L3HYPDH: variants seen among roughly 807,000 people sequenced by gnomAD.
The protein encoded by L3HYPDH is trans-L-3-hydroxyproline dehydratase.
In L3HYPDH, 32 loss-of-function variants were observed where a neutral mutation model predicts 26.5. The observed-to-expected ratio is 1.21, with a 90% CI of 0.91 to 1.62. The LOEUF is 1.62. L3HYPDH is among the 40% of genes most tolerant of loss of function. The probability of loss-of-function intolerance (pLI) is 0.00; values close to 1 mark genes in which losing one functional copy is unlikely to be tolerated. For synonymous variants in L3HYPDH, 215 were observed against 196.6 expected, an observed-to-expected ratio of 1.09 and a Z score of -0.78; for missense variants, 554 against 476.4, an observed-to-expected ratio of 1.16 and a Z score of -1.52.
chr14:59,476,040 A>T, intron 3 of L3HYPDH, 34 bp from the exon 4 acceptor site: 1 of 1,613,840 alleles, frequency 6.2e-7, no homozygotes, highest in Non-Finnish European at 8.5e-7. Flanking sequence ...GAATGTTCAT[A>T]GTGTGTTCCA....
the L3HYPDH span, chr14:59,501,201 C>A: frequency 4.4e-6 from 7 of 1,592,520 alleles, no homozygotes; most frequent in Non-Finnish European, 6.0e-6. Context: ...ATTACGCCTT[C>A]CCATACATTA....
intron 1 of L3HYPDH, among the ~76,000 whole-genome samples, chr14:59,481,426 A>G (rs1460745234): frequency 6.6e-6 from 1 of 152,204 alleles, no homozygotes; most frequent in Non-Finnish European, 1.5e-5. Flanking sequence ...CCACTAAATA[A>G]GTGGCAGAGC....
intron 1 of L3HYPDH, chr14:59,483,528 A>G: frequency 7.3e-7 from 1 of 1,369,400 alleles, no homozygotes. Context: ...GGAATGCCTC[A>G]CCAGTGCAGA....
At chr14:59,482,168 T>C (rs1189847611) in intron 1 of L3HYPDH, among the ~76,000 whole-genome samples, 2 of 152,202 alleles carry the variant, frequency 1.3e-5, no homozygotes, top group Admixed American at 1.3e-4. Flanking sequence ...TGGGTACTGT[T>C]GTCATCCTCA....
chr14:59,494,205 AAAT>A, the L3HYPDH span, among the ~76,000 whole-genome samples: 1 of 150,436 alleles, frequency 6.6e-6, no homozygotes, highest in African/African-American at 2.5e-5. Flanking sequence ...GTAGAAAAAA[AAAT>A]AAAAGCCTGG....
upstream of L3HYPDH, among the ~76,000 whole-genome samples, chr14:59,488,074 A>C (rs921603663): frequency 2.6e-5 from 4 of 152,102 alleles, no homozygotes; most frequent in African/African-American, 9.7e-5. Context: ...TTACTTCTCA[A>C]CTATAATCCT....
chr14:59,491,957 A>T, the L3HYPDH span, among the ~76,000 whole-genome samples: 56 of 152,194 alleles, frequency 3.7e-4, no homozygotes, highest in Non-Finnish European at 6.8e-4. Context: ...AAGCTTCCCC[A>T]TTCTCAATTT....
the L3HYPDH span, among the ~76,000 whole-genome samples, chr14:59,497,518 G>A: frequency 1.3e-5 from 2 of 152,174 alleles, no homozygotes; most frequent in African/African-American, 4.8e-5. Flanking sequence ...GGAATTACAA[G>A]TTGTGGAAAT....
chr14:59,476,393 T>C (rs1889633109), intron 2 of L3HYPDH, among the ~76,000 whole-genome samples, 179 bp from the exon 3 acceptor site: 3 of 152,198 alleles, frequency 2.0e-5, no homozygotes, highest in African/African-American at 7.2e-5. Flanking sequence ...AGAAACATAG[T>C]TTTACTGCAA....
At chr14:59,492,542 A>C in the L3HYPDH span, among the ~76,000 whole-genome samples, 43 of 152,292 alleles carry the variant, frequency 2.8e-4, no homozygotes, top group African/African-American at 1.0e-3. Flanking sequence ...TGGTATCCCC[A>C]TCAGGCATTT....
chr14:59,490,023 A>T, the L3HYPDH span, among the ~76,000 whole-genome samples: 2 of 152,076 alleles, frequency 1.3e-5, no homozygotes, highest in African/African-American at 4.8e-5. Context: ...CCTAGGCTCA[A>T]GTGATCTTCC....
chr14:59,476,166 T>G lies in L3HYPDH; in HGVS notation c.727A>C (p.Thr243Pro). 1 of 1,613,112 alleles carries G rather than the reference T, an allele frequency of 6.2e-7. No individual in the cohort carries two copies. Among genetic ancestry groups the G allele is most frequent in the South Asian group, 1.1e-5 (1 of 91,016 alleles). Residue 243 changes from threonine to proline, a missense_variant, in exon 3 of 5, where the codon ACT becomes CCT. Thr to Pro is a conservative substitution (Grantham distance 38). Transcript: ENST00000247194. ...GCATCTTTTCCATCTGTTAATATAG[T>G]TCCATATAAAAAGGCAAGGTCTTCA... ...DSEDLAFLYG[T>P]ILTDGKDAYT...
At chr14:59,483,498 ATC>A in intron 1 of L3HYPDH, 1 of 1,301,042 alleles carries the variant, frequency 7.7e-7, no homozygotes, top group Non-Finnish European at 9.8e-7. Flanking sequence ...ACCTTGCTTT[ATC>A]CACCGGTGAA....
the L3HYPDH span, among the ~76,000 whole-genome samples, chr14:59,492,962 C>T: frequency 6.6e-6 from 1 of 151,786 alleles, no homozygotes; most frequent in Non-Finnish European, 1.5e-5. Flanking sequence ...CACGCCCGGC[C>T]AATTTTTTTG....
At chr14:59,479,032 T>C in intron 2 of L3HYPDH, 150 bp downstream of exon 2, 1 of 596,700 alleles carries the variant, frequency 1.7e-6, no homozygotes, top group African/African-American at 1.9e-5. Flanking sequence ...GGGACAAGCT[T>C]GCTCTAGAGC....
intron 4 of L3HYPDH, among the ~76,000 whole-genome samples, chr14:59,475,386 T>C (rs1002551310): frequency 1.3e-5 from 2 of 152,200 alleles, no homozygotes; most frequent in African/African-American, 4.8e-5. Flanking sequence ...TAACCCATTA[T>C]ACATTAACAT....
At chr14:59,485,488 T>C (rs1043262997), upstream of L3HYPDH, 4 of 178,548 alleles carry the variant, frequency 2.2e-5, no homozygotes, top group Non-Finnish European at 4.7e-5. Flanking sequence ...AAGTAAAAAG[T>C]CTGCTTGAAT....
At chr14:59,504,080 CAT>C in the L3HYPDH span, 6 of 1,579,824 alleles carry the variant, frequency 3.8e-6, no homozygotes, top group African/African-American at 6.7e-5. Context: ...TGAGTGTAGA[CAT>C]GTGAAATGCC....
At chr14:59,491,299 T>G in the L3HYPDH span, among the ~76,000 whole-genome samples, 1 of 152,148 alleles carries the variant, frequency 6.6e-6, no homozygotes, top group Non-Finnish European at 1.5e-5. Flanking sequence ...AAGACGATGC[T>G]GGTGGGGGTA....
Sources: allele counts gnomAD v4.1 joint callset (sites outside exome capture counted in the v4.1 genomes callset), GRCh38; gene constraint gnomAD v4.1.1; transcripts MANE v1.5; gene names NCBI Gene and HGNC (gene_info 2026-07-23, HGNC 2026-07-21).